The following ZFAT variants were observed in gnomAD, a reference collection of about 807,000 sequenced individuals.
The protein encoded by ZFAT is zinc finger and AT-hook domain containing.
In ZFAT, 64 loss-of-function variants were observed where a neutral mutation model predicts 117.7. The ratio of observed to expected loss-of-function variants is 0.54; its 90% confidence interval spans 0.44 to 0.67. The LOEUF (loss-of-function observed/expected upper bound fraction) is 0.67. ZFAT is among the 30% of genes least tolerant of loss of function. The pLI, the probability that ZFAT is intolerant of heterozygous loss-of-function variation, is 0.00. For synonymous variants in ZFAT, 679 were observed against 615.0 expected (o/e 1.10, Z -1.54); for missense variants, 1,433 against 1,584.5 (o/e 0.90, Z 1.62).
At chr8:134,510,583 ACT>A in intron 14 of ZFAT, 1 of 166,440 alleles carries the variant, frequency 6.0e-6, no homozygotes, top group Non-Finnish European at 1.3e-5. Context: ...GCAGTGGCGG[ACT>A]TATATTCACA....
the ZFAT span, among the ~76,000 whole-genome samples, chr8:134,720,725 T>G: frequency 1.3e-5 from 2 of 152,248 alleles, no homozygotes; most frequent in Non-Finnish European, 2.9e-5. Flanking sequence ...AGGCAAATAC[T>G]CTGTTCTGCT....
At chr8:134,700,543 G>A (rs1358020942) in intron 1 of ZFAT, among the ~76,000 whole-genome samples, 2 of 152,158 alleles carry the variant, frequency 1.3e-5, no homozygotes, top group African/African-American at 2.4e-5. Context: ...CCCAGTGCTC[G>A]GCAGCTCAGG....
At chr8:134,601,271 C>A (rs139885775) in intron 6 of ZFAT, among the ~76,000 whole-genome samples, 2 of 152,218 alleles carry the variant, frequency 1.3e-5, no homozygotes, top group South Asian at 4.1e-4. Flanking sequence ...CAGGCCAACA[C>A]AGTCAACTGT....
At chr8:134,613,167 C>A (rs989134976) in intron 3 of ZFAT, among the ~76,000 whole-genome samples, 1 of 151,980 alleles carries the variant, frequency 6.6e-6, no homozygotes, top group Admixed American at 6.5e-5. Context: ...GGATACAATT[C>A]AATATGTGGG....
chr8:134,657,548 C>G lies in ZFAT; in HGVS notation c.196+13G>C. On this transcript the variant is annotated intron_variant, in intron 2 of 15. Transcript: ENST00000377838. ...GTCAGAAGGTATCCTGCCCCACCCCCCAGCCCCCTTACCATCTCCGGTTTT... is the reference window on the plus strand; with the variant it reads ...GTCAGAAGGTATCCTGCCCCACCCCGCAGCCCCCTTACCATCTCCGGTTTT... 6.2e-7 allele frequency: 1 copy of G among 1,602,930 alleles called. No homozygotes were observed.
the ZFAT span, among the ~76,000 whole-genome samples, chr8:134,760,273 G>GAAAAAAA: frequency 3.1e-5 from 4 of 128,760 alleles, no homozygotes; most frequent in South Asian, 7.6e-4. Context: ...GTCTCAAAAA[G>GAAAAAAA]AAAAAAAAAA....
At chr8:134,501,967 T>C (rs948070334) in intron 15 of ZFAT, among the ~76,000 whole-genome samples, 1 of 152,232 alleles carries the variant, frequency 6.6e-6, no homozygotes, top group South Asian at 2.1e-4. Context: ...TACACCACAA[T>C]CTGTAAAGAG....
chr8:134,607,775 C>T (rs965149218), intron 5 of ZFAT, among the ~76,000 whole-genome samples: 1 of 152,206 alleles, frequency 6.6e-6, no homozygotes. Flanking sequence ...TGTTTTCAGA[C>T]CTCTGGGGAT....
chr8:134,517,456 A>T (rs1396606158), intron 13 of ZFAT, among the ~76,000 whole-genome samples: 2 of 152,146 alleles, frequency 1.3e-5, no homozygotes, highest in Non-Finnish European at 2.9e-5. Context: ...TTAGACTTAC[A>T]CAAGACTTCC....
chr8:134,766,813 C>A, the ZFAT span: 3 of 152,220 alleles, frequency 2.0e-5, no homozygotes, highest in African/African-American at 4.8e-5. Context: ...AGTTAAGCAG[C>A]AGAACTGAGA....
chr8:134,650,319 G>C (rs994428190), intron 2 of ZFAT, among the ~76,000 whole-genome samples: 2 of 151,482 alleles, frequency 1.3e-5, no homozygotes, highest in Non-Finnish European at 2.9e-5. Flanking sequence ...GTAGAGACGG[G>C]GTGTCACCAT....
intron 3 of ZFAT, among the ~76,000 whole-genome samples, chr8:134,619,480 T>C (rs959591456): frequency 3.3e-5 from 5 of 152,044 alleles, no homozygotes; most frequent in African/African-American, 1.2e-4. Flanking sequence ...ACACAAACAG[T>C]CCCTACTGAT....
At chr8:134,777,792 TAATATGAC>T in the ZFAT span, among the ~76,000 whole-genome samples, 1 of 152,224 alleles carries the variant, frequency 6.6e-6, no homozygotes, top group African/African-American at 2.4e-5. Flanking sequence ...CTGAGTGCAC[TAATATGAC>T]AATTAGGCTA....
At chr8:134,775,168 CCACTTGTTTTCAGTGTTTGATAA>C in the ZFAT span, among the ~76,000 whole-genome samples, 1 of 152,064 alleles carries the variant, frequency 6.6e-6, no homozygotes, top group Non-Finnish European at 1.5e-5. Flanking sequence ...AAAACACAGT[CCACTTGTTTTCAGTGTTTGATAA>C]TACCAATATA....
upstream of ZFAT, among the ~76,000 whole-genome samples, chr8:134,716,282 C>G: frequency 6.6e-6 from 1 of 151,782 alleles, no homozygotes; most frequent in East Asian, 1.9e-4. Flanking sequence ...AGTTAAAAAT[C>G]TAAATAGGCA....
Position 134,704,507 on chromosome 8 carries a change from C to G in ZFAT, c.19+8338G>C, listed in dbSNP as rs1030574085. ...TTTCTCTAAATCTGTCCCTTCTCAT[C>G]CCTACAGCCTGGACTGCACTAGGAC... On this transcript the variant is annotated intron_variant, in intron 1 of 15. Transcript: ENST00000377838. Among the ~76,000 whole-genome samples, 7 of 152,206 alleles carry G rather than the reference C, an allele frequency of 4.6e-5. 1 individual carries two copies. The highest frequency in any genetic ancestry group is 2.6e-4 in the Admixed American group (4 of 15,284).
intron 2 of ZFAT, among the ~76,000 whole-genome samples, chr8:134,643,211 G>A (rs887602691): frequency 2.0e-5 from 3 of 152,212 alleles, no homozygotes; most frequent in Non-Finnish European, 4.4e-5. Flanking sequence ...TTTGCTCCAA[G>A]GTCAGGGAAT....
chr8:134,541,605 G>A lies in ZFAT; in HGVS notation c.2977-8633C>T, dbSNP rs549738192. ...CGTCATTTACCACAAGTAAAGAGACGAGGAAAGGAGGAAAGGAAGAAAGAA... is the reference window on the plus strand; with the variant it reads ...CGTCATTTACCACAAGTAAAGAGACAAGGAAAGGAGGAAAGGAAGAAAGAA... On this transcript the variant is annotated intron_variant, in intron 11 of 15. Coordinates refer to ENST00000377838, the MANE Select transcript of ZFAT (RefSeq NM_020863.4). Among the ~76,000 whole-genome samples, 172 of 152,266 alleles carry A rather than the reference G, an allele frequency of 1.1e-3. 1 individual carries two copies. Among genetic ancestry groups the A allele is most frequent in the African/African-American group, 3.9e-3 (160 of 41,548 alleles).
At chr8:134,748,351 G>A in the ZFAT span, among the ~76,000 whole-genome samples, 9 of 152,242 alleles carry the variant, frequency 5.9e-5, no homozygotes, top group African/African-American at 1.9e-4. Context: ...CATGGTTCTA[G>A]ACTATTTAAA....
Sources: allele counts gnomAD v4.1 joint callset (sites outside exome capture counted in the v4.1 genomes callset), GRCh38; gene constraint gnomAD v4.1.1; transcripts MANE v1.5; gene names NCBI Gene and HGNC (gene_info 2026-07-23, HGNC 2026-07-21).